The following RANBP2 variants were observed in gnomAD, a reference collection of about 807,000 sequenced individuals.
RANBP2 encodes the protein E3 SUMO-protein ligase RanBP2.
A neutral mutation model predicts 303.6 loss-of-function variants in RANBP2; 57 were observed. That is an observed-to-expected ratio of 0.19 (90% CI 0.15 to 0.23). The LOEUF is 0.23. Among genes scored for constraint, RANBP2 ranks in the 10% least tolerant of loss-of-function variants. The pLI is 1.00. For missense variants in RANBP2, 3,138 were observed against 3,780.8 expected (o/e 0.83, Z 4.46); for synonymous variants, 1,167 against 1,301.5 (o/e 0.90, Z 2.23).
At chr2:109,242,311 G>C in the RANBP2 span, among the ~76,000 whole-genome samples, 1 of 152,176 alleles carries the variant, frequency 6.6e-6, no homozygotes, top group Non-Finnish European at 1.5e-5. Flanking sequence ...TGGAAGCCAG[G>C]CCTGGGAGTC....
At chr2:109,507,751 C>T in the RANBP2 span, among the ~76,000 whole-genome samples, 1 of 152,156 alleles carries the variant, frequency 6.6e-6, no homozygotes, top group Non-Finnish European at 1.5e-5. Flanking sequence ...TGAACCTGCC[C>T]CAAAAACCAA....
the RANBP2 span, chr2:108,815,928 T>G: frequency 6.3e-7 from 1 of 1,582,204 alleles, no homozygotes; most frequent in Non-Finnish European, 8.6e-7. Context: ...ATGATTTAAT[T>G]TTTGACATAT....
the RANBP2 span, among the ~76,000 whole-genome samples, chr2:109,183,107 A>C: frequency 6.6e-6 from 1 of 152,226 alleles, no homozygotes; most frequent in Non-Finnish European, 1.5e-5. Context: ...TTTTTAAAAG[A>C]AATCTTTAGA....
At chr2:109,619,202 A>G in the RANBP2 span, among the ~76,000 whole-genome samples, 4 of 152,330 alleles carry the variant, frequency 2.6e-5, no homozygotes, top group South Asian at 4.1e-4. Context: ...TAGTAAGATT[A>G]TAAGAGTCAG....
the RANBP2 span, among the ~76,000 whole-genome samples, chr2:109,326,662 TTTAAG>T: frequency 6.6e-6 from 1 of 152,206 alleles, no homozygotes; most frequent in East Asian, 1.9e-4. Context: ...ACAATGCCTG[TTTAAG>T]TTAACTTATC....
the RANBP2 span, among the ~76,000 whole-genome samples, chr2:109,611,617 G>C: frequency 6.6e-6 from 1 of 151,740 alleles, no homozygotes; most frequent in African/African-American, 2.4e-5. Flanking sequence ...AAATTTAGCC[G>C]GCTGTGGTGG....
chr2:109,266,331 T>A, the RANBP2 span, among the ~76,000 whole-genome samples: 1 of 151,326 alleles, frequency 6.6e-6, no homozygotes, highest in African/African-American at 2.4e-5. Context: ...GTGTGTGTGT[T>A]GTGTGTGTAT....
chr2:109,151,836 A>C, the RANBP2 span, among the ~76,000 whole-genome samples: 1 of 152,254 alleles, frequency 6.6e-6, no homozygotes, highest in African/African-American at 2.4e-5. Context: ...GTTTATAGGC[A>C]ACAATATGAC....
chr2:109,368,332 C>A, the RANBP2 span, among the ~76,000 whole-genome samples: 2 of 152,168 alleles, frequency 1.3e-5, no homozygotes, highest in African/African-American at 4.8e-5. Flanking sequence ...GAAATACATT[C>A]CCCAGTTCAA....
chr2:109,484,511 A>G, the RANBP2 span, among the ~76,000 whole-genome samples: 1 of 151,852 alleles, frequency 6.6e-6, no homozygotes, highest in Non-Finnish European at 1.5e-5. Context: ...AGGCCTTTTC[A>G]TTATCCCTAT....
At chr2:109,693,944 A>G in the RANBP2 span, among the ~76,000 whole-genome samples, 1 of 152,324 alleles carries the variant, frequency 6.6e-6, no homozygotes, top group East Asian at 1.9e-4. Context: ...GGTTGTCACA[A>G]ACCTTTAATT....
chr2:108,834,991 A>T, the RANBP2 span, among the ~76,000 whole-genome samples: 1 of 152,232 alleles, frequency 6.6e-6, no homozygotes, highest in Non-Finnish European at 1.5e-5. Flanking sequence ...ATTGAAGTCA[A>T]ATGGATCTTG....
chr2:109,390,129 C>A, the RANBP2 span, among the ~76,000 whole-genome samples: 1 of 152,244 alleles, frequency 6.6e-6, no homozygotes, highest in African/African-American at 2.4e-5. Flanking sequence ...GGGTCCCCAC[C>A]TGCTGCCAAG....
At chr2:109,395,090 C>A in the RANBP2 span, among the ~76,000 whole-genome samples, 4 of 152,198 alleles carry the variant, frequency 2.6e-5, no homozygotes, top group African/African-American at 9.7e-5. Flanking sequence ...GAAAACTTCC[C>A]CAGATGGAGA....
the RANBP2 span, among the ~76,000 whole-genome samples, chr2:109,197,710 T>A: frequency 6.6e-6 from 1 of 152,196 alleles, no homozygotes; most frequent in East Asian, 1.9e-4. Context: ...TAGGGCCGGG[T>A]GTGTGCCTTG....
the RANBP2 span, among the ~76,000 whole-genome samples, chr2:109,020,114 A>G: frequency 1.3e-5 from 2 of 152,154 alleles, no homozygotes; most frequent in African/African-American, 4.8e-5. Context: ...CTTTTATAAC[A>G]CCACTGTTAA....
the RANBP2 span, among the ~76,000 whole-genome samples, chr2:109,206,580 G>T: frequency 6.6e-6 from 1 of 151,592 alleles, no homozygotes; most frequent in South Asian, 2.1e-4. Flanking sequence ...AGGTCAAGGA[G>T]GGAGGATAGC....
chr2:109,490,716 G>A, the RANBP2 span: 52 of 1,534,674 alleles, frequency 3.4e-5, no homozygotes, highest in South Asian at 2.3e-4. Flanking sequence ...GGCCGTGGAC[G>A]CCCTGCTCCA....
the RANBP2 span, among the ~76,000 whole-genome samples, chr2:109,216,912 A>T: frequency 6.6e-6 from 1 of 152,048 alleles, no homozygotes; most frequent in Non-Finnish European, 1.5e-5. Flanking sequence ...GTCTTCCCAA[A>T]CCGAAATTCT....
Sources: allele counts gnomAD v4.1 joint callset (sites outside exome capture counted in the v4.1 genomes callset), GRCh38; gene constraint gnomAD v4.1.1; transcripts MANE v1.5; gene names NCBI Gene and HGNC (gene_info 2026-07-23, HGNC 2026-07-21).